MAD1L1: variants seen among roughly 807,000 people sequenced by gnomAD.
MAD1L1 encodes the protein mitotic spindle assembly checkpoint protein MAD1.
MAD1L1 carries 95 observed loss-of-function variants against 96.9 expected under a neutral mutation model. The ratio of observed to expected loss-of-function variants is 0.98; its 90% CI spans 0.83 to 1.16. The LOEUF (loss-of-function observed/expected upper bound fraction) is 1.16. MAD1L1 is among the 50% of genes most tolerant of loss of function. The probability of loss-of-function intolerance (pLI) is 0.00; values close to 1 mark genes in which losing one functional copy is unlikely to be tolerated. For missense variants in MAD1L1, 1,007 were observed against 954.4 expected, an observed-to-expected ratio of 1.06 and a Z score of -0.73; for synonymous variants, 473 against 396.6, an observed-to-expected ratio of 1.19 and a Z score of -2.29.
At chr7:1,963,669 G>T (rs766226633) in intron 15 of MAD1L1, among the ~76,000 whole-genome samples, 5 of 152,182 alleles carry the variant, frequency 3.3e-5, no homozygotes, top group African/African-American at 4.8e-5. Flanking sequence ...ACATGCTTCC[G>T]GAGGCGAGGC....
At position 2,215,214 on chromosome 7, in the gene MAD1L1, C is replaced by T. The variant is rs546942880; in HGVS notation, c.924+671G>A. Among the ~76,000 whole-genome samples, 22 of 152,188 alleles carry T rather than the reference C, an allele frequency of 1.4e-4. 1 individual carries two copies. The highest frequency in any genetic ancestry group is 4.8e-4 in the African/African-American group (20 of 41,544). The stretch of plus-strand genomic sequence containing the variant: ...CCAACGTGGTGAAACCCTATCTCTA[C>T]TAAAAATACAAAAATTAGCCGGGTG... On this transcript the variant is annotated intron_variant, in intron 9 of 18. Coordinates refer to ENST00000265854, the MANE Select transcript of MAD1L1 (RefSeq NM_001013836.2).
intron 18 of MAD1L1, among the ~76,000 whole-genome samples, chr7:1,852,919 C>A (rs530998606): frequency 6.6e-6 from 1 of 152,172 alleles, no homozygotes; most frequent in Non-Finnish European, 1.5e-5. Flanking sequence ...GAGCCCATGT[C>A]TGCATCATTT....
chr7:2,209,866 C>T (rs1002741893), intron 10 of MAD1L1: 2 of 152,420 alleles, frequency 1.3e-5, no homozygotes, highest in African/African-American at 4.8e-5. Flanking sequence ...AGCTCGCCCA[C>T]AGAGGCACGC....
At chr7:2,201,306 AT>A (rs1480933197) in intron 10 of MAD1L1, among the ~76,000 whole-genome samples, 1 of 150,812 alleles carries the variant, frequency 6.6e-6, no homozygotes, top group Non-Finnish European at 1.5e-5. Context: ...GCCTGTCAAA[AT>A]CCCCCTCCTA....
At chr7:1,915,296 C>T (rs936713318) in intron 17 of MAD1L1, among the ~76,000 whole-genome samples, 5 of 152,122 alleles carry the variant, frequency 3.3e-5, no homozygotes, top group South Asian at 2.1e-4. Context: ...TACAGAGAAC[C>T]GCAGCCGGGA....
At chr7:1,924,604 T>C (rs1387238356) in intron 17 of MAD1L1, among the ~76,000 whole-genome samples, 1 of 152,076 alleles carries the variant, frequency 6.6e-6, no homozygotes, top group East Asian at 1.9e-4. Flanking sequence ...GAGAACCTAC[T>C]CTAAAGAAGC....
At position 1,980,613 on chromosome 7, in the gene MAD1L1, G is replaced by A. The variant is rs1172247228; in HGVS notation, c.1417-72C>T. ...AGGTGTGTGGGGAACCCCAGCCCAG[G>A]CCCCTGAGACCACCCCTGGCAGCAC... On this transcript the variant is annotated intron_variant, in intron 14 of 18. Transcript: ENST00000265854. 3.9e-6 allele frequency: 5 copies of A among 1,272,300 alleles called. No homozygotes were observed. The African/African-American group carries it at 7.4e-5, about 19-fold the overall frequency. The allele number at this position is 1,272,300 out of a possible 1,614,324, so 78.8% of individuals were successfully genotyped here. A position where few individuals can be genotyped will look rare whatever the true frequency, so the allele number is the denominator to read the frequency against.
intron 12 of MAD1L1, among the ~76,000 whole-genome samples, chr7:2,032,231 A>T (rs146843938): frequency 4.6e-5 from 7 of 152,304 alleles, no homozygotes; most frequent in Non-Finnish European, 1.0e-4. Context: ...AACGAGTGAA[A>T]CCATCAGCCA....
chr7:1,924,552 A>C (rs1788988753), intron 17 of MAD1L1, among the ~76,000 whole-genome samples: 1 of 152,212 alleles, frequency 6.6e-6, no homozygotes, highest in African/African-American at 2.4e-5. Flanking sequence ...ATCCTTCAGT[A>C]ACGAGGTGGG....
intron 14 of MAD1L1, among the ~76,000 whole-genome samples, chr7:1,998,066 T>G (rs187999334): frequency 6.6e-6 from 1 of 152,058 alleles, no homozygotes; most frequent in Admixed American, 6.5e-5. Flanking sequence ...GAACAGAAAT[T>G]ATATGGGCTA....
chr7:2,198,549 G>T (rs1396869927), intron 10 of MAD1L1, among the ~76,000 whole-genome samples: 1 of 152,256 alleles, frequency 6.6e-6, no homozygotes, highest in Non-Finnish European at 1.5e-5. Context: ...ACCCGGGACA[G>T]CAATCGCGCT....
At chr7:1,854,068 G>A (rs1309336063) in intron 18 of MAD1L1, among the ~76,000 whole-genome samples, 3 of 152,158 alleles carry the variant, frequency 2.0e-5, no homozygotes, top group African/African-American at 2.4e-5. Context: ...GCTCGATCAC[G>A]GGCGTCGGGT....
intron 11 of MAD1L1, among the ~76,000 whole-genome samples, chr7:2,137,789 GT>G (rs1269521091): frequency 6.6e-6 from 1 of 152,248 alleles, no homozygotes; most frequent in Non-Finnish European, 1.5e-5. Context: ...CTGACCAGCA[GT>G]TTCTGAACTG....
chr7:1,861,223 G>C (rs916507944), intron 18 of MAD1L1, among the ~76,000 whole-genome samples: 2 of 152,204 alleles, frequency 1.3e-5, no homozygotes, highest in African/African-American at 4.8e-5. Context: ...CTGGGGAGCA[G>C]GGCAGGTGCT....
intron 18 of MAD1L1, among the ~76,000 whole-genome samples, chr7:1,881,515 T>C (rs1436952638): frequency 3.3e-5 from 5 of 152,182 alleles, no homozygotes; most frequent in African/African-American, 1.2e-4. Context: ...CAGCGAAAGA[T>C]AAATCAACAG....
chr7:2,112,753 G>C (rs1198795269), intron 11 of MAD1L1, among the ~76,000 whole-genome samples: 1 of 152,002 alleles, frequency 6.6e-6, no homozygotes, highest in African/African-American at 2.4e-5. Flanking sequence ...TCATCTCTAA[G>C]CAGCACTCGG....
At chr7:2,064,177 C>T (rs1043444908) in intron 12 of MAD1L1, among the ~76,000 whole-genome samples, 1 of 152,204 alleles carries the variant, frequency 6.6e-6, no homozygotes, top group Non-Finnish European at 1.5e-5. Context: ...AGGAGCCCAG[C>T]CTCAGGCAGC....
intron 13 of MAD1L1, 141 bp downstream of exon 13, chr7:2,014,361 C>T (rs1782435112): frequency 9.1e-7 from 1 of 1,099,326 alleles, no homozygotes; most frequent in South Asian, 1.7e-5. Context: ...AGCCCGTGGA[C>T]ACCCTCCCTG....
At chr7:1,939,310 C>T (rs903979296) in intron 16 of MAD1L1, among the ~76,000 whole-genome samples, 40 of 150,612 alleles carry the variant, frequency 2.7e-4, no homozygotes, top group Non-Finnish European at 4.6e-4. Flanking sequence ...TGCACGCACA[C>T]ACATACACAC....
Sources: gnomAD v4.1 joint callset for allele counts (sites outside exome capture counted in the v4.1 genomes callset) on GRCh38, gnomAD v4.1.1 for gene constraint, MANE v1.5 for transcripts, NCBI Gene and HGNC (gene_info 2026-07-23, HGNC 2026-07-21) for gene names.